Variants in TRPM5 observed in about 807,000 individuals in gnomAD.
The protein encoded by TRPM5 is transient receptor potential cation channel subfamily M member 5.
In TRPM5, 121 loss-of-function variants were observed where a neutral mutation model predicts 124.9. That is an observed-to-expected ratio of 0.97 (90% CI 0.84 to 1.13). The LOEUF (loss-of-function observed/expected upper bound fraction) is 1.13. TRPM5 is among the 50% of genes most tolerant of loss of function. TRPM5 has a pLI of 0.00. For synonymous variants in TRPM5, 781 were observed against 700.5 expected, an observed-to-expected ratio of 1.11 and a Z score of -1.81; for missense variants, 1,643 against 1,589.1, an observed-to-expected ratio of 1.03 and a Z score of -0.58.
At chr11:2,404,038 T>G (rs917459914), downstream of TRPM5, among the ~76,000 whole-genome samples, 4 of 152,170 alleles carry the variant, frequency 2.6e-5, no homozygotes, top group East Asian at 7.7e-4. Context: ...ACCCCAGGCC[T>G]CCTCTAGGGC....
At position 2,413,016 on chromosome 11, in the gene TRPM5, T is replaced by G; in HGVS notation, c.2097-4A>C. 6.2e-7 allele frequency: 1 copy of G among 1,600,638 alleles called. No homozygotes were observed. Among genetic ancestry groups the G allele is most frequent in the Non-Finnish European group, 8.5e-7 (1 of 1,174,852 alleles). On this transcript the variant is annotated splice_polypyrimidine_tract_variant and splice_region_variant and intron_variant, in intron 14 of 23. Transcript: ENST00000155858. ...CGCCTCCACCAGCTCCTCCACCCTG[T>G]GCCGCAGAGAAGTTCGCAGTGGTGA...
chr11:2,407,239 G>A lies in TRPM5; in HGVS notation c.2998C>T (p.Leu1000=), dbSNP rs750309104. Residue 1000 remains leucine (L), a synonymous_variant, in exon 20 of 24, where the codon CTG becomes TTG. Coordinates refer to ENST00000155858, the Ensembl canonical transcript of TRPM5. ...GGGCGCTCGTGGTACTCCACAATCA[G>A]GTTGTAGCGCTGGAACTTCCAGAAC... The A allele has an allele frequency of 8.7e-6, 14 of 1,612,196 alleles. No homozygotes were observed. The East Asian group carries it at 3.1e-4, about 36-fold the overall frequency.
At chr11:2,417,671 C>T (rs1845704646) in intron 7 of TRPM5, 56 bp downstream of exon 12, 7 of 1,438,298 alleles carry the variant, frequency 4.9e-6, no homozygotes, top group Non-Finnish European at 6.7e-6. Context: ...CCCAAAGCGG[C>T]TCTGAGCATG....
intron 16 of TRPM5, 125 bp from the exon 22 acceptor site, chr11:2,411,892 G>A: frequency 8.2e-7 from 1 of 1,213,756 alleles, no homozygotes. Context: ...GCCCTGAGTG[G>A]CTTCATCTTT....
At chr11:2,436,205 C>G in the TRPM5 span, among the ~76,000 whole-genome samples, 15 of 152,254 alleles carry the variant, frequency 9.9e-5, no homozygotes, top group African/African-American at 3.6e-4. Context: ...TTGCCCAAAC[C>G]CTGCCAGCCT....
chr11:2,405,070 C>T lies in TRPM5; in HGVS notation c.3392-27G>A, dbSNP rs147694578. 64 of 1,593,278 alleles carry T rather than the reference C, an allele frequency of 4.0e-5. 1 individual carries two copies. The Middle Eastern group carries it at 5.5e-4, about 14-fold the overall frequency. On this transcript the variant is annotated intron_variant, in intron 23 of 23. Transcript: ENST00000155858. Reference sequence around the variant, plus strand: ...TGCTGGGAAGGAAGGCCCCCCTGAGCGGTGGGAACCAGCAAGGCAGGCCCA... The same window carrying T: ...TGCTGGGAAGGAAGGCCCCCCTGAGTGGTGGGAACCAGCAAGGCAGGCCCA...
chr11:2,415,944 C>A, exon 8 of TRPM5: 3 of 1,579,700 alleles, frequency 1.9e-6, no homozygotes, highest in Admixed American at 1.8e-5. Context: ...TCACTCTTGG[C>A]GATGTCCACG....
At chr11:2,408,073 T>G (rs956541063) in intron 18 of TRPM5, among the ~76,000 whole-genome samples, 161 bp from the exon 24 acceptor site, 40 of 152,198 alleles carry the variant, frequency 2.6e-4, no homozygotes, top group African/African-American at 9.6e-4. Context: ...CGGCCTGGGT[T>G]TTAGCAGTGA....
intron 3 of TRPM5, among the ~76,000 whole-genome samples, chr11:2,420,736 G>A (rs1158927915): frequency 2.0e-5 from 3 of 152,216 alleles, no homozygotes; most frequent in Non-Finnish European, 4.4e-5. Flanking sequence ...GGCCTCCCTC[G>A]GTAGTGCCTT....
rs1850398687 is a variant in TRPM5 at position 2,409,473 on chromosome 11, A to G, written c.2783-1561T>C. Among the ~76,000 whole-genome samples, 5 of 152,342 alleles carry G rather than the reference A, an allele frequency of 3.3e-5. No individual in the cohort carries two copies. In the South Asian group the frequency reaches 8.3e-4, roughly 25 times the overall value. Reference sequence around the variant, plus strand: ...AATTGTCCCTGGGGCCTGGAGACCCAGAGAACAAGCTCGTCACCACAGCTC... The same window carrying G: ...AATTGTCCCTGGGGCCTGGAGACCCGGAGAACAAGCTCGTCACCACAGCTC... On this transcript the variant is annotated intron_variant, in intron 18 of 23. Coordinates refer to ENST00000155858, the Ensembl canonical transcript of TRPM5.
At chr11:2,407,829 T>G (rs373556761) in exon 19 of TRPM5, 6 of 1,613,788 alleles carry the variant, frequency 3.7e-6, no homozygotes, top group African/African-American at 2.7e-5. Flanking sequence ...AGCAGGAGGA[T>G]GACCAGCCAG....
downstream of TRPM5, among the ~76,000 whole-genome samples, chr11:2,404,348 G>T (rs148810379): frequency 1.9e-4 from 29 of 152,336 alleles, no homozygotes; most frequent in Non-Finnish European, 3.2e-4. Context: ...GCCAGCAGGG[G>T]CTTTGTCTTG....
intron 18 of TRPM5, among the ~76,000 whole-genome samples, chr11:2,409,178 T>G (rs536032105): frequency 9.5e-4 from 144 of 152,180 alleles, no homozygotes; most frequent in Middle Eastern, 3.4e-3. Flanking sequence ...GCACTGGCAG[T>G]CAGTGAGCGC....
chr11:2,421,218 C>T lies in TRPM5; in HGVS notation c.299-20G>A. ...AGGCTCCTGTGGGGATGGAAGAGGG[C>T]CTCGTTGTGCCGCACGCCCCAGGTC... On this transcript the variant is annotated intron_variant, in intron 2 of 23. Coordinates refer to ENST00000155858, the Ensembl canonical transcript of TRPM5. 1 of 1,528,232 alleles carries T rather than the reference C, an allele frequency of 6.5e-7. No individual in the cohort carries two copies. Among genetic ancestry groups the T allele is most frequent in the Non-Finnish European group, 8.8e-7 (1 of 1,141,822 alleles). The allele number at this position is 1,528,232 out of a possible 1,614,324, so 94.7% of individuals were successfully genotyped here.
chr11:2,420,715 G>T (rs1845759655), intron 3 of TRPM5, among the ~76,000 whole-genome samples: 1 of 152,234 alleles, frequency 6.6e-6, no homozygotes, highest in African/African-American at 2.4e-5. Context: ...ACATCCACCA[G>T]GGGCTGCCCG....
Position 2,413,167 on chromosome 11 carries a change from G to A in TRPM5, c.2063C>T (p.Thr688Met), listed in dbSNP as rs150760655. The change falls in exon 14 of 24, where the codon ACG becomes ATG. Residue 688 changes from threonine to methionine, a missense_variant. Transcript: ENST00000155858. ...CAGGCCATACAGCGGGCTCTTCTCC[G>A]TGTCCAGGCTGTCCAGGTCCTGCAG... The A allele has an allele frequency of 2.6e-4, 402 of 1,553,122 alleles. 1 individual carries two copies. The Admixed American group carries it at 2.9e-3, about 11-fold the overall frequency.
chr11:2,413,410 C>T, intron 13 of TRPM5, 66 bp downstream of exon 18: 1 of 1,468,880 alleles, frequency 6.8e-7, no homozygotes, highest in Non-Finnish European at 9.2e-7. Flanking sequence ...GGCCCAGGCC[C>T]TCCCCGTAGC....
At chr11:2,444,103 AC>A in the TRPM5 span, among the ~76,000 whole-genome samples, 6 of 137,284 alleles carry the variant, frequency 4.4e-5, no homozygotes, top group Admixed American at 7.1e-5. Context: ...TGCCGCCCCC[AC>A]CCCCCAGCAG....
chr11:2,435,581 GTCCATCCATCCA>G, the TRPM5 span, among the ~76,000 whole-genome samples: 1,033 of 150,108 alleles, frequency 6.9e-3, 7 homozygotes, highest in African/African-American at 0.024. The surrounding 1 kb of genome is among the most constrained non-coding windows in gnomAD (Gnocchi z 4.1). Flanking sequence ...CCATCTGTCT[GTCCATCCATCCA>G]TCCATCCATC....
Sources: allele counts gnomAD v4.1 joint callset (sites outside exome capture counted in the v4.1 genomes callset), GRCh38; gene constraint gnomAD v4.1.1; non-coding constraint Gnocchi (gnomAD v3.1); transcripts MANE v1.5; gene names NCBI Gene and HGNC (gene_info 2026-07-23, HGNC 2026-07-21).